Variants in MRPS30 observed in about 807,000 individuals in gnomAD.
MRPS30 encodes large ribosomal subunit protein mL65.
Under a neutral mutation model 43.8 loss-of-function variants are expected in MRPS30, and 42 were observed. The observed-to-expected ratio is 0.96, with a 90% confidence interval of 0.75 to 1.24. The LOEUF (loss-of-function observed/expected upper bound fraction) is 1.24, where lower values mean the gene tolerates loss of function less well. MRPS30 is among the 50% of genes most tolerant of loss of function. The pLI is 0.00. For synonymous variants in MRPS30, 273 were observed against 228.2 expected (o/e 1.20, Z -1.77); for missense variants, 638 against 570.0 (o/e 1.12, Z -1.22).
Position 44,809,494 on chromosome 5 carries a change from G to A in MRPS30, c.532G>A (p.Asp178Asn). ...CGAGGTCATATCTTTGCCCTTCCTG[G>A]ATCAGCTGGTGTCAACCCTCGTGGG... ...ESEVISLPFL[D>N]QLVSTLVGLL... Residue 178 changes from aspartate (D) to asparagine (N), a missense_variant, in exon 1 of 5, where the codon GAT becomes AAT. By Grantham distance (23) the Asp-to-Asn change is conservative. Transcript: ENST00000507110. 6.2e-7 allele frequency: 1 copy of A among 1,613,838 alleles called. No individual in the cohort carries two copies. The highest frequency in any genetic ancestry group is 8.5e-7 in the Non-Finnish European group (1 of 1,179,954).
At chr5:44,810,417 T>G (rs1367118065) in intron 1 of MRPS30, among the ~76,000 whole-genome samples, 1 of 152,238 alleles carries the variant, frequency 6.6e-6, no homozygotes, top group Non-Finnish European at 1.5e-5. Flanking sequence ...TTATTGTTTT[T>G]GACGCATTCA....
intron 4 of MRPS30, 25 bp downstream of exon 4, chr5:44,813,307 T>C: frequency 1.9e-6 from 3 of 1,542,708 alleles, no homozygotes; most frequent in Non-Finnish European, 2.6e-6. Context: ...TATAGCATTT[T>C]CTTTGAAGGT....
chr5:44,813,370 C>A, intron 4 of MRPS30, 88 bp downstream of exon 4: 1 of 1,156,340 alleles, frequency 8.6e-7, no homozygotes, highest in Non-Finnish European at 1.2e-6. Flanking sequence ...TGGGTTAAAA[C>A]ATAGGTTGAA....
Position 44,813,213 on chromosome 5 carries a change from G to C in MRPS30, c.961G>C (p.Glu321Gln), listed in dbSNP as rs763814153. 5 of 1,612,924 alleles carry C rather than the reference G, an allele frequency of 3.1e-6. No individual in the cohort carries two copies. Among genetic ancestry groups the C allele is most frequent in the Non-Finnish European group, 3.4e-6 (4 of 1,179,532 alleles). The stretch of plus-strand genomic sequence containing the variant: ...GAGACAAAACTGTGCTGATCAGATA[G>C]AAGTTGTTTTTAGAGCTAATGCTAT... The part of the protein sequence containing the change: ...LLRQNCADQI[E>Q]VVFRANAIAS... Residue 321 changes from glutamate to glutamine, a missense_variant, in exon 4 of 5, where the codon GAA (glutamate) becomes CAA (glutamine). Glu to Gln is a conservative substitution (Grantham distance 29, BLOSUM62 2). Transcript: ENST00000507110.
rs774222392 is a variant in MRPS30 at position 44,814,970 on chromosome 5, A to G, written c.1088A>G (p.Asp363Gly). The change falls in exon 5 of 5, where the codon GAT (aspartate) becomes GGT (glycine). Residue 363 changes from aspartate to glycine, a missense_variant. Physicochemically the swap from Asp to Gly is moderately conservative, Grantham distance 94 (BLOSUM62 -1). Transcript: ENST00000507110. ...TTTGTCTCCCAGGCTGTGATCACAGATGGAAAATACTTTTCCTTTTTCTGC... is the reference window on the plus strand; with the variant it reads ...TTTGTCTCCCAGGCTGTGATCACAGGTGGAAAATACTTTTCCTTTTTCTGC... ...RPFVSQAVIT[D>G]GKYFSFFCYQ... The G allele has an allele frequency of 6.2e-7, 1 of 1,613,922 alleles. No homozygotes were observed. The highest frequency in any genetic ancestry group is 2.2e-5 in the East Asian group (1 of 44,846).
intron 1 of MRPS30, 106 bp downstream of exon 1, chr5:44,809,669 A>G: frequency 2.4e-6 from 3 of 1,265,848 alleles, no homozygotes; most frequent in East Asian, 2.4e-5. Flanking sequence ...TGCTTCGTTC[A>G]TGTTTTCCTA....
rs1264929497 is a variant in MRPS30, at chr5:44,809,359, C to T, written c.397C>T (p.Pro133Ser). The T allele has an allele frequency of 1.9e-6, 3 of 1,608,292 alleles. No homozygotes were observed. Among genetic ancestry groups the T allele is most frequent in the South Asian group, 1.1e-5 (1 of 90,602 alleles). Residue 133 changes from proline (P) to serine (S), a missense_variant, in exon 1 of 5, where the codon CCT becomes TCT. Pro to Ser is a moderately conservative substitution (Grantham distance 74, BLOSUM62 -1). Coordinates refer to ENST00000507110, the MANE Select transcript of MRPS30 (RefSeq NM_016640.4). ...AEPEPEPEPEPEPALDLAALR... is the reference protein window; with the variant it reads ...AEPEPEPEPESEPALDLAALR... ...GCCCGAGCCCGAGCCCGAACCCGAA[C>T]CTGAACCTGCGCTGGACCTCGCGGC...
intron 1 of MRPS30, 91 bp downstream of exon 1, chr5:44,809,654 C>A: frequency 7.5e-7 from 1 of 1,335,104 alleles, no homozygotes; most frequent in Middle Eastern, 2.4e-4. Flanking sequence ...TCATTTCTTT[C>A]TCTCTGCTTC....
chr5:44,809,876 CG>C (rs1742801439), intron 1 of MRPS30: 1 of 330,598 alleles, frequency 3.0e-6, no homozygotes, highest in African/African-American at 2.1e-5. Flanking sequence ...TGAAGAGAAA[CG>C]CCACTTAAGA....
rs1386267576 is a variant in MRPS30, at chr5:44,808,966, G to A, written c.4G>A (p.Ala2Thr). 4 of 1,591,680 alleles carry A rather than the reference G, an allele frequency of 2.5e-6. No individual in the cohort carries two copies. In the East Asian group the frequency reaches 6.7e-5, roughly 27 times the overall value. The change falls in exon 1 of 5, where the codon GCG (alanine) becomes ACG (threonine). Residue 2 changes from alanine to threonine, a missense_variant. By Grantham distance (58) the Ala-to-Thr change is moderately conservative. Coordinates refer to ENST00000507110, the MANE Select transcript of MRPS30 (RefSeq NM_016640.4). ...GGGTCCGGAATCGCGGGCAAAGATG[G>A]CGGCGGCCAGGTGTTGGAGGCCTTT... is the stretch of plus-strand genomic sequence containing the variant. Reference protein sequence around the residue: MAAARCWRPLLR... With the variant: MTAARCWRPLLR...
chr5:44,812,641 T>C (rs1283017281), intron 3 of MRPS30, among the ~76,000 whole-genome samples: 1 of 134,220 alleles, frequency 7.5e-6, no homozygotes, highest in Non-Finnish European at 1.7e-5. Context: ...GAAATGTTGC[T>C]ACTTATTTTT....
At position 44,812,011 on chromosome 5, in the gene MRPS30, A is replaced by G. The variant is rs979327239; in HGVS notation, c.844A>G (p.Ile282Val). ...PLFKRQYENH[I>V]FVGSKTADPC... Reference sequence around the variant, plus strand: ...ATTCAAACGGCAGTATGAAAACCACATATTTGTTGGTAAGTTTCTCTTTTG... The same window carrying G: ...ATTCAAACGGCAGTATGAAAACCACGTATTTGTTGGTAAGTTTCTCTTTTG... The change falls in exon 3 of 5, where the codon ATA becomes GTA. Residue 282 changes from isoleucine to valine, a missense_variant. Transcript: ENST00000507110. The G allele has an allele frequency of 1.3e-6, 2 of 1,581,270 alleles. No individual in the cohort carries two copies. Among genetic ancestry groups the G allele is most frequent in the East Asian group, 2.3e-5 (1 of 44,360 alleles).
chr5:44,813,928 C>A (rs1937151238), intron 4 of MRPS30, among the ~76,000 whole-genome samples: 1 of 152,090 alleles, frequency 6.6e-6, no homozygotes, highest in Non-Finnish European at 1.5e-5. Flanking sequence ...GGAGAAGAAT[C>A]TATTTTTAAA....
At position 44,814,939 on chromosome 5, in the gene MRPS30, C is replaced by T. The variant is rs769313674; in HGVS notation, c.1057C>T (p.Arg353Ter). 3.7e-6 allele frequency: 6 copies of T among 1,611,482 alleles called. No homozygotes were observed. The highest frequency in any genetic ancestry group is 1.7e-5 in the Admixed American group (1 of 59,748). ...QGFWSEADVT[R>*]PFVSQAVITD... ...ATTCTGGAGTGAAGCAGATGTTACT[C>T]GACCTTTTGTCTCCCAGGCTGTGAT... is the stretch of plus-strand genomic sequence containing the variant. The change falls in exon 5 of 5, where the codon CGA becomes TGA. Residue 353 changes from arginine (R) to a stop codon, truncating the protein, a stop_gained. Coordinates refer to ENST00000507110, the MANE Select transcript of MRPS30 (RefSeq NM_016640.4). LOFTEE classifies it high-confidence loss of function.
chr5:44,811,188 A>G (rs773376199), intron 2 of MRPS30, 34 bp downstream of exon 2: 1 of 1,607,636 alleles, frequency 6.2e-7, no homozygotes, highest in Non-Finnish European at 8.5e-7. Context: ...ATCTATTGAT[A>G]TCTCGTGTAG....
chr5:44,809,718 C>T lies in MRPS30; in HGVS notation c.601+155C>T, dbSNP rs562985583. 5.0e-6 allele frequency: 4 copies of T among 796,190 alleles called. No individual in the cohort carries two copies. The South Asian group carries it at 7.5e-5, about 15-fold the overall frequency. 49.3% of individuals were successfully genotyped at this position (796,190 alleles called of 1,614,324 possible). ...TATCTGGGGTGGCCTGGTTTTGTAACAGTCACTGCGTTAGGAATCTAGAGA... is the reference window on the plus strand; with the variant it reads ...TATCTGGGGTGGCCTGGTTTTGTAATAGTCACTGCGTTAGGAATCTAGAGA... On this transcript the variant is annotated intron_variant, in intron 1 of 4. Coordinates refer to ENST00000507110, the MANE Select transcript of MRPS30 (RefSeq NM_016640.4).
chr5:44,809,384 C>T lies in MRPS30; in HGVS notation c.422C>T (p.Ala141Val), dbSNP rs1579855090. Reference protein sequence around the residue: ...PEPEPALDLAALRAVACDCLL... With the variant: ...PEPEPALDLAVLRAVACDCLL... The stretch of plus-strand genomic sequence containing the variant: ...CCTGAACCTGCGCTGGACCTCGCGG[C>T]GCTGCGTGCGGTCGCCTGCGACTGC... Residue 141 changes from alanine (A) to valine (V), a missense_variant, in exon 1 of 5, where the codon GCG (alanine) becomes GTG (valine). Transcript: ENST00000507110. 1.2e-6 allele frequency: 2 copies of T among 1,608,872 alleles called. No homozygotes were observed. Among genetic ancestry groups the T allele is most frequent in the South Asian group, 2.2e-5 (2 of 90,682 alleles).
rs756181249 is a variant in MRPS30, at chr5:44,813,218, T to G, written c.966T>G (p.Val322=). The change falls in exon 4 of 5, where the codon GTT becomes GTG. Residue 322 remains valine (V), a synonymous_variant. Transcript: ENST00000507110. ...LRQNCADQIE[V]VFRANAIASL... is the part of the protein sequence containing the mutation. ...AAAACTGTGCTGATCAGATAGAAGTTGTTTTTAGAGCTAATGCTATTGCAA... is the reference window on the plus strand; with the variant it reads ...AAAACTGTGCTGATCAGATAGAAGTGGTTTTTAGAGCTAATGCTATTGCAA... The G allele has an allele frequency of 6.2e-7, 1 of 1,612,650 alleles. No individual in the cohort carries two copies. The highest frequency in any genetic ancestry group is 8.5e-7 in the Non-Finnish European group (1 of 1,179,410).
At chr5:44,814,035 A>G (rs1239642861) in intron 4 of MRPS30, among the ~76,000 whole-genome samples, 1 of 152,164 alleles carries the variant, frequency 6.6e-6, no homozygotes, top group African/African-American at 2.4e-5. Context: ...ACTTCCAGGC[A>G]AAAGGATCAG....
Sources: gnomAD v4.1 joint callset for allele counts (sites outside exome capture counted in the v4.1 genomes callset) on GRCh38, gnomAD v4.1.1 for gene constraint, MANE v1.5 for transcripts, NCBI Gene and HGNC (gene_info 2026-07-23, HGNC 2026-07-21) for gene names.